The following AOPEP variants were observed in gnomAD, a reference collection of about 807,000 sequenced individuals.
AOPEP encodes aminopeptidase O.
In AOPEP, 77 loss-of-function variants were observed where a neutral mutation model predicts 98.1. That is an observed-to-expected ratio of 0.78 (90% confidence interval 0.65 to 0.95). AOPEP has a LOEUF of 0.95. Among genes scored for constraint, AOPEP ranks in the 40% least tolerant of loss-of-function variants. The pLI is 0.00. For missense variants in AOPEP, 1,024 were observed against 1,024.7 expected (o/e 1.00, Z 0.01); for synonymous variants, 346 against 365.3 (o/e 0.95, Z 0.60).
At chr9:94,796,089 C>T (rs1846863836) in intron 4 of AOPEP, among the ~76,000 whole-genome samples, 2 of 152,070 alleles carry the variant, frequency 1.3e-5, no homozygotes, top group Non-Finnish European at 2.9e-5. Flanking sequence ...CAAAGTGCAC[C>T]CTCTGTGTGC....
At chr9:95,110,408 C>T in the AOPEP span, 6 of 1,024,230 alleles carry the variant, frequency 5.9e-6, no homozygotes, top group South Asian at 2.3e-4. Flanking sequence ...CTGTTAAAAA[C>T]ATCAACCAGG....
chr9:94,812,819 CA>C (rs1405847339), intron 5 of AOPEP, among the ~76,000 whole-genome samples: 4 of 152,272 alleles, frequency 2.6e-5, no homozygotes, highest in Admixed American at 2.0e-4. Flanking sequence ...TTTGGTTTTA[CA>C]AGCAAAAGCA....
chr9:94,935,996 A>G (rs2056216425), intron 7 of AOPEP, among the ~76,000 whole-genome samples: 1 of 152,136 alleles, frequency 6.6e-6, no homozygotes, highest in African/African-American at 2.4e-5. Flanking sequence ...CCTGGGAGCC[A>G]TTGCTAACAA....
the AOPEP span, among the ~76,000 whole-genome samples, chr9:95,119,993 G>GTT: frequency 1.3e-5 from 2 of 151,532 alleles, no homozygotes; most frequent in African/African-American, 4.9e-5. Context: ...GATTACAGGA[G>GTT]TGAGCTATGC....
chr9:95,060,229 TGCA>T (rs553495556), intron 13 of AOPEP, among the ~76,000 whole-genome samples: 181 of 152,326 alleles, frequency 1.2e-3, no homozygotes, highest in Non-Finnish European at 2.1e-3. Context: ...TTTCTCAGTG[TGCA>T]GCAGGTATAT....
chr9:94,781,803 G>A (rs1410120225), intron 3 of AOPEP, among the ~76,000 whole-genome samples: 3 of 150,890 alleles, frequency 2.0e-5, no homozygotes, highest in Non-Finnish European at 4.4e-5. Context: ...CTTGTGATCC[G>A]CCCGCCTTGG....
intron 7 of AOPEP, among the ~76,000 whole-genome samples, chr9:94,940,335 G>GT (rs2056863572): frequency 6.6e-6 from 1 of 152,244 alleles, no homozygotes; most frequent in African/African-American, 2.4e-5. Context: ...GCCAGGTGCG[G>GT]TGGCTCATGC....
At chr9:95,033,796 A>G (rs2064535372) in intron 13 of AOPEP, among the ~76,000 whole-genome samples, 1 of 152,250 alleles carries the variant, frequency 6.6e-6, no homozygotes, top group Non-Finnish European at 1.5e-5. Flanking sequence ...ACATTATAGA[A>G]ATAAGAGTAT....
rs72750332 is a variant in AOPEP at position 94,950,808 on chromosome 9, G to T, written c.1662-4369G>T. On this transcript the variant is annotated intron_variant, in intron 7 of 16. Transcript: ENST00000375315. The stretch of plus-strand genomic sequence containing the variant: ...GTGAGAGGAAGAGTGCTGCTGGAGG[G>T]CCCGCCTGGGTGGGGGCAGAGCAGC... Among the ~76,000 whole-genome samples, 802 of 152,336 alleles carry T rather than the reference G, an allele frequency of 5.3e-3. 14 individuals carry two copies. The highest frequency in any genetic ancestry group is 0.044 in the East Asian group (226 of 5,176).
At chr9:94,751,906 T>G (rs1835879000) in intron 1 of AOPEP, among the ~76,000 whole-genome samples, 1 of 150,428 alleles carries the variant, frequency 6.6e-6, no homozygotes. Flanking sequence ...TTTTTTTTTT[T>G]TTTTGAGAAA....
At chr9:94,853,122 C>T (rs2043761465) in intron 5 of AOPEP, among the ~76,000 whole-genome samples, 1 of 152,018 alleles carries the variant, frequency 6.6e-6, no homozygotes, top group African/African-American at 2.4e-5. Context: ...TTAACACAAA[C>T]AGCCAAAAAA....
In AOPEP at chr9:95,003,536, G is replaced by A. The variant is rs561963801; in HGVS notation, c.1978-1622G>A. 2.6e-5 allele frequency among the ~76,000 whole-genome samples: 4 copies of A among 152,276 alleles called. No homozygotes were observed. In the South Asian group the frequency reaches 6.2e-4, roughly 24 times the overall value. ...ACTCTTATTAGCAGCATAAAAGGTT[G>A]AAGAGTTTAAAGTTCTCTTTCCCTT... On this transcript the variant is annotated intron_variant, in intron 11 of 16. Transcript: ENST00000375315.
chr9:94,919,331 T>C (rs1447909003), intron 5 of AOPEP, among the ~76,000 whole-genome samples: 1 of 152,210 alleles, frequency 6.6e-6, no homozygotes, highest in Non-Finnish European at 1.5e-5. Context: ...CCCAGAAGAC[T>C]ATCCCCTCAT....
chr9:94,920,526 C>G (rs1357575200), intron 5 of AOPEP, among the ~76,000 whole-genome samples: 1 of 152,132 alleles, frequency 6.6e-6, no homozygotes, highest in Non-Finnish European at 1.5e-5. Flanking sequence ...TCGCTCCACC[C>G]ACAGCAAGAT....
the AOPEP span, chr9:95,150,163 TA>T: frequency 6.6e-7 from 1 of 1,520,616 alleles, no homozygotes; most frequent in Non-Finnish European, 9.1e-7. Context: ...ACCTTCATGC[TA>T]AAAAGGTCAA....
the AOPEP span, among the ~76,000 whole-genome samples, chr9:95,126,069 G>A: frequency 6.6e-6 from 1 of 152,214 alleles, no homozygotes; most frequent in Non-Finnish European, 1.5e-5. Context: ...GTAATGTGTT[G>A]TAAGAGAACA....
intron 5 of AOPEP, among the ~76,000 whole-genome samples, chr9:94,859,500 T>G (rs916664489): frequency 2.8e-4 from 42 of 152,216 alleles, no homozygotes; most frequent in African/African-American, 8.4e-4. Context: ...TTAACTTCAT[T>G]ACATCTGCAA....
chr9:95,085,287 C>T (rs567029494), intron 16 of AOPEP: 8 of 482,684 alleles, frequency 1.7e-5, no homozygotes, highest in East Asian at 6.4e-5. Flanking sequence ...GGGATTACCA[C>T]GCAACCACGA....
In AOPEP at chr9:95,080,738, G is replaced by A. The variant is rs183828333; in HGVS notation, c.2277G>A (p.Thr759=). The change falls in exon 15 of 17, where the codon ACG becomes ACA. Residue 759 remains threonine, a synonymous_variant. Coordinates refer to ENST00000375315, the MANE Select transcript of AOPEP (RefSeq NM_001193329.3). ...AACTCATTGTTAAGCACAAGTTCAC[G>A]AAAGCCTACAAAAGTGTGGAGAGGT... ...WCELIVKHKF[T]KAYKSVERFL... 4.3e-6 allele frequency: 7 copies of A among 1,614,040 alleles called. No individual in the cohort carries two copies. The highest frequency in any genetic ancestry group is 2.2e-5 in the East Asian group (1 of 44,866).
Sources: gnomAD v4.1 joint callset for allele counts (sites outside exome capture counted in the v4.1 genomes callset) on GRCh38, gnomAD v4.1.1 for gene constraint, MANE v1.5 for transcripts, NCBI Gene and HGNC (gene_info 2026-07-23, HGNC 2026-07-21) for gene names.